The following SLC35F4 variants were observed in gnomAD, a reference collection of about 807,000 sequenced individuals.
SLC35F4 encodes chromosome 14 open reading frame 36.
Under a neutral mutation model 44.2 loss-of-function variants are expected in SLC35F4, and 24 were observed. The ratio of observed to expected loss-of-function variants is 0.54; its 90% CI spans 0.39 to 0.76. The LOEUF (loss-of-function observed/expected upper bound fraction) is 0.76, where lower values mean the gene tolerates loss of function less well. SLC35F4 is among the 30% of genes least tolerant of loss of function. The pLI is 0.00. For missense variants in SLC35F4, 562 were observed against 586.1 expected (o/e 0.96, Z 0.42); for synonymous variants, 238 against 223.6 (o/e 1.06, Z -0.57).
intron 1 of SLC35F4, among the ~76,000 whole-genome samples, chr14:57,930,324 T>A (rs1230406628): frequency 2.0e-5 from 3 of 152,204 alleles, no homozygotes; most frequent in Non-Finnish European, 2.9e-5. Flanking sequence ...TCTTGGGGGA[T>A]GCTTGGCATC....
At chr14:57,571,688 A>C (rs544581393) in intron 5 of SLC35F4, among the ~76,000 whole-genome samples, 2 of 152,342 alleles carry the variant, frequency 1.3e-5, no homozygotes, top group South Asian at 4.1e-4. Flanking sequence ...AAGTGGAAAT[A>C]AGTATTTATG....
At chr14:57,810,384 C>T (rs1881825091) in intron 1 of SLC35F4, among the ~76,000 whole-genome samples, 1 of 152,228 alleles carries the variant, frequency 6.6e-6, no homozygotes, top group African/African-American at 2.4e-5. Flanking sequence ...TTGAAGCTGA[C>T]ATTTTCTATT....
intron 1 of SLC35F4, among the ~76,000 whole-genome samples, chr14:57,611,772 G>A (rs1285501923): frequency 6.6e-6 from 1 of 152,062 alleles, no homozygotes; most frequent in Non-Finnish European, 1.5e-5. Flanking sequence ...GGAGGCAGGG[G>A]TTTGAGAAAC....
chr14:57,930,398 C>T (rs1248201759), intron 1 of SLC35F4, among the ~76,000 whole-genome samples: 1 of 152,136 alleles, frequency 6.6e-6, no homozygotes, highest in African/African-American at 2.4e-5. Context: ...TTCCATTAAC[C>T]TCTTACCTCT....
At chr14:57,902,427 G>GTA (rs992239730) in intron 1 of SLC35F4, among the ~76,000 whole-genome samples, 6 of 152,020 alleles carry the variant, frequency 3.9e-5, no homozygotes, top group Non-Finnish European at 7.4e-5. Context: ...GCCAGATGTG[G>GTA]TAGCGCATGC....
chr14:57,842,086 T>C (rs2140963037), intron 1 of SLC35F4, among the ~76,000 whole-genome samples: 1 of 152,322 alleles, frequency 6.6e-6, no homozygotes, highest in South Asian at 2.1e-4. Context: ...CTATATTCAG[T>C]TGATGCTGAG....
At position 57,621,642 on chromosome 14, in the gene SLC35F4, C is replaced by T. The variant is rs530640095; in HGVS notation, c.104-27518G>A. ...TAAAAAGCTGAAACTGGATCCCTTC[C>T]TTATACCTTATACAAAAATTAATTC... On this transcript the variant is annotated intron_variant, in intron 1 of 7. Coordinates refer to ENST00000556826, the MANE Select transcript of SLC35F4 (RefSeq NM_001306087.2). 3.3e-5 allele frequency among the ~76,000 whole-genome samples: 5 copies of T among 152,278 alleles called. No homozygotes were observed. In the East Asian group the frequency reaches 7.7e-4, roughly 23 times the overall value.
At chr14:57,724,709 G>A (rs1437965112) in intron 1 of SLC35F4, among the ~76,000 whole-genome samples, 1 of 152,168 alleles carries the variant, frequency 6.6e-6, no homozygotes, top group African/African-American at 2.4e-5. Flanking sequence ...AGTTGACAGA[G>A]GAAGAGAAGA....
At chr14:57,740,524 G>C (rs2076579468) in intron 1 of SLC35F4, among the ~76,000 whole-genome samples, 1 of 152,134 alleles carries the variant, frequency 6.6e-6, no homozygotes, top group Non-Finnish European at 1.5e-5. Context: ...ATAAACAGAA[G>C]TTAATTAATG....
chr14:57,824,798 C>T (rs568179174), intron 1 of SLC35F4, among the ~76,000 whole-genome samples: 157 of 151,978 alleles, frequency 1.0e-3, no homozygotes, highest in Non-Finnish European at 1.6e-3. Context: ...TGTGTGCTCA[C>T]GGAAGTGTAG....
At chr14:57,712,395 T>C (rs2075836620) in intron 1 of SLC35F4, among the ~76,000 whole-genome samples, 1 of 152,216 alleles carries the variant, frequency 6.6e-6, no homozygotes, top group African/African-American at 2.4e-5. Context: ...ACATAAGTCA[T>C]GATTAACAGG....
chr14:57,781,632 T>C (rs930768360), intron 1 of SLC35F4, among the ~76,000 whole-genome samples: 2 of 152,196 alleles, frequency 1.3e-5, no homozygotes, highest in African/African-American at 4.8e-5. Context: ...TGTAGTATTA[T>C]TCACAATAGC....
At chr14:57,661,095 G>A (rs966366385) in intron 1 of SLC35F4, among the ~76,000 whole-genome samples, 10 of 152,244 alleles carry the variant, frequency 6.6e-5, no homozygotes, top group South Asian at 2.1e-4. Flanking sequence ...GTGACCATGC[G>A]AATCGAGTTA....
At chr14:57,700,823 T>C (rs961556701) in intron 1 of SLC35F4, among the ~76,000 whole-genome samples, 2 of 152,140 alleles carry the variant, frequency 1.3e-5, no homozygotes, top group African/African-American at 4.8e-5. Context: ...GAGGATTACC[T>C]GAGCCTAGGG....
chr14:57,973,278 T>A (rs1175411308), downstream of SLC35F4, among the ~76,000 whole-genome samples: 3 of 152,310 alleles, frequency 2.0e-5, no homozygotes, highest in East Asian at 5.8e-4. Flanking sequence ...TTGGTCTTTA[T>A]GTAAGCATTG....
chr14:57,663,118 T>C (rs1017889857), intron 1 of SLC35F4, among the ~76,000 whole-genome samples: 1 of 152,218 alleles, frequency 6.6e-6, no homozygotes, highest in African/African-American at 2.4e-5. Context: ...TCTTTATAAC[T>C]GGTACCTTCA....
intron 1 of SLC35F4, among the ~76,000 whole-genome samples, chr14:57,931,581 C>A (rs1889697378): frequency 6.6e-6 from 1 of 151,836 alleles, no homozygotes; most frequent in Admixed American, 6.5e-5. Flanking sequence ...TAGTTCTTTC[C>A]ACATAGCTGG....
At chr14:57,824,937 T>C (rs1246767003) in intron 1 of SLC35F4, among the ~76,000 whole-genome samples, 2 of 152,084 alleles carry the variant, frequency 1.3e-5, no homozygotes, top group African/African-American at 4.8e-5. Context: ...TCCCTCTAGC[T>C]TCCGTGTGAA....
intron 1 of SLC35F4, among the ~76,000 whole-genome samples, chr14:57,800,546 A>T (rs1343146942): frequency 6.6e-6 from 1 of 152,182 alleles, no homozygotes; most frequent in Non-Finnish European, 1.5e-5. Flanking sequence ...AGGCTTCAGA[A>T]GGGGGGTAAT....
Sources: allele counts gnomAD v4.1 joint callset (sites outside exome capture counted in the v4.1 genomes callset), GRCh38; gene constraint gnomAD v4.1.1; transcripts MANE v1.5; gene names NCBI Gene and HGNC (gene_info 2026-07-23, HGNC 2026-07-21).